PCNX1: variants seen among roughly 807,000 people sequenced by gnomAD.
The protein encoded by PCNX1 is pecanex 1, also known as pecanex-like protein 1.
Under a neutral mutation model 242.2 loss-of-function variants are expected in PCNX1, and 78 were observed. The observed-to-expected ratio is 0.32, with a 90% CI of 0.27 to 0.39. The LOEUF (loss-of-function observed/expected upper bound fraction) is 0.39, where lower values mean the gene tolerates loss of function less well. Among genes scored for constraint, PCNX1 ranks in the 10% least tolerant of loss-of-function variants. The probability of loss-of-function intolerance (pLI) is 1.00; values close to 1 mark genes in which losing one functional copy is unlikely to be tolerated. For missense variants in PCNX1, 2,581 were observed against 2,856.5 expected, an observed-to-expected ratio of 0.90 and a Z score of 2.20; for synonymous variants, 1,024 against 1,032.9, an observed-to-expected ratio of 0.99 and a Z score of 0.17.
chr14:70,918,461 A>T (rs1451158645), intron 1 of PCNX1, among the ~76,000 whole-genome samples: 3 of 152,198 alleles, frequency 2.0e-5, no homozygotes, highest in Non-Finnish European at 2.9e-5. Flanking sequence ...TGTAATTCTA[A>T]AATAGTAAAA....
chr14:71,041,699 C>G (rs2141046277), intron 19 of PCNX1, among the ~76,000 whole-genome samples: 1 of 151,970 alleles, frequency 6.6e-6, no homozygotes, highest in African/African-American at 2.4e-5. Context: ...TATTTCTGCT[C>G]TTACCTTTCT....
At chr14:71,054,675 G>C (rs374093757) in intron 24 of PCNX1, among the ~76,000 whole-genome samples, 1 of 152,074 alleles carries the variant, frequency 6.6e-6, no homozygotes, top group East Asian at 1.9e-4. Flanking sequence ...AGTTCAGCTC[G>C]GAGTTCAAGC....
At chr14:71,098,106 C>T (rs1426242767) in intron 30 of PCNX1, among the ~76,000 whole-genome samples, 2 of 152,098 alleles carry the variant, frequency 1.3e-5, no homozygotes, top group African/African-American at 2.4e-5. Flanking sequence ...AGGTGTACAG[C>T]TTTATTTCTG....
At chr14:71,036,759 C>T (rs1028362347) in intron 19 of PCNX1, among the ~76,000 whole-genome samples, 2 of 152,022 alleles carry the variant, frequency 1.3e-5, no homozygotes, top group Non-Finnish European at 2.9e-5. Flanking sequence ...AATATTTGTC[C>T]GTAGTGCTGA....
At chr14:70,981,769 T>TA (rs2058846502) in intron 6 of PCNX1, among the ~76,000 whole-genome samples, 1 of 152,228 alleles carries the variant, frequency 6.6e-6, no homozygotes. Flanking sequence ...TAGCCTGTAT[T>TA]ACTTTTAAGG....
At chr14:70,962,183 A>G in intron 2 of PCNX1, 43 bp from the exon 3 acceptor site, 1 of 1,150,008 alleles carries the variant, frequency 8.7e-7, no homozygotes, top group Non-Finnish European at 1.3e-6. Flanking sequence ...CATTGGAGTC[A>G]GAATAATGAC....
rs187993388 is a variant in PCNX1 at position 71,019,214 on chromosome 14, C to T, written c.3150+52C>T. Reference sequence around the variant, plus strand: ...ACGGAATTATATTTGTGTTAAAAGGCAGAGGATTTTGTAGCAATTACTGAA... The same window carrying T: ...ACGGAATTATATTTGTGTTAAAAGGTAGAGGATTTTGTAGCAATTACTGAA... On this transcript the variant is annotated intron_variant, in intron 12 of 35. Transcript: ENST00000304743. 8.4e-3 allele frequency: 12,027 copies of T among 1,429,904 alleles called. 83 individuals carry two copies. The highest frequency in any genetic ancestry group is 0.016 in the South Asian group (1,181 of 73,422). 88.6% of individuals were successfully genotyped at this position (1,429,904 alleles called of 1,614,324 possible).
At chr14:71,084,664 C>T (rs1357395292) in intron 28 of PCNX1, among the ~76,000 whole-genome samples, 1 of 152,234 alleles carries the variant, frequency 6.6e-6, no homozygotes, top group Non-Finnish European at 1.5e-5. Flanking sequence ...AAACCGCCTA[C>T]TGAAGCCTCA....
At chr14:70,942,745 G>A (rs1004459044) in intron 1 of PCNX1, 4 of 152,166 alleles carry the variant, frequency 2.6e-5, no homozygotes, top group African/African-American at 9.7e-5. Context: ...CAAGCCTTTT[G>A]GGTTTTTATA....
In PCNX1 at chr14:71,033,430, A is replaced by T; in HGVS notation, c.3560A>T (p.Asp1187Val). Residue 1187 changes from aspartate to valine, a missense_variant and splice_region_variant, in exon 17 of 36, where the codon GAT (aspartate) becomes GTT (valine). Asp to Val is a radical substitution (Grantham distance 152). Around this residue, in one of 9 missense-constraint regions of PCNX1, gnomAD observed 432 missense variants for 443.1 expected, o/e 0.97. Transcript: ENST00000304743. ...LYGLCYGALK[D>V]SWDGQHIPVL... ...TCTGTTAAATTCATTTTTCCGCAGGATTCTTGGGATGGCCAGCATATTCCA... is the reference window on the plus strand; with the variant it reads ...TCTGTTAAATTCATTTTTCCGCAGGTTTCTTGGGATGGCCAGCATATTCCA... The T allele has an allele frequency of 6.5e-7, 1 of 1,532,704 alleles. No homozygotes were observed. The highest frequency in any genetic ancestry group is 9.0e-7 in the Non-Finnish European group (1 of 1,108,220). 94.9% of individuals were successfully genotyped at this position (1,532,704 alleles called of 1,614,324 possible).
At chr14:70,983,226 G>A (rs965604271) in intron 6 of PCNX1, among the ~76,000 whole-genome samples, 1 of 152,168 alleles carries the variant, frequency 6.6e-6, no homozygotes, top group Admixed American at 6.5e-5. Flanking sequence ...TAATACTTAA[G>A]CTATATTTGT....
chr14:70,974,041 T>C (rs1333813010), intron 5 of PCNX1, among the ~76,000 whole-genome samples: 1 of 151,662 alleles, frequency 6.6e-6, no homozygotes, highest in Non-Finnish European at 1.5e-5. Flanking sequence ...TCTGGACATT[T>C]CATATAAACA....
intron 1 of PCNX1, among the ~76,000 whole-genome samples, chr14:70,912,622 CCA>C (rs1161180723): frequency 2.0e-5 from 3 of 151,748 alleles, no homozygotes; most frequent in African/African-American, 7.3e-5. Context: ...TGCTTATCCC[CCA>C]CCCCTTGCTT....
intron 2 of PCNX1, among the ~76,000 whole-genome samples, chr14:70,958,094 T>G (rs2058061023): frequency 6.6e-6 from 1 of 152,214 alleles, no homozygotes; most frequent in African/African-American, 2.4e-5. Context: ...CCTACATAGC[T>G]TATATGAGTT....
Position 71,114,830 on chromosome 14 carries a change from G to T in PCNX1, c.*4895G>T, listed in dbSNP as rs370833289. Reference sequence around the variant, plus strand: ...GTGGTGCCCCGGAATTCACAACAGAGTAGTGATAGAGCATAAGATGGCTGC... The same window carrying T: ...GTGGTGCCCCGGAATTCACAACAGATTAGTGATAGAGCATAAGATGGCTGC... On this transcript the variant is annotated 3_prime_UTR_variant, in exon 36 of 36. Coordinates refer to ENST00000304743, the MANE Select transcript of PCNX1 (RefSeq NM_014982.3). 3.3e-5 allele frequency: 5 copies of T among 151,200 alleles called. No homozygotes were observed. Among genetic ancestry groups the T allele is most frequent in the African/African-American group, 1.2e-4 (5 of 40,984 alleles). The allele number at this position is 151,200 out of a possible 1,614,324, so 9.4% of individuals were successfully genotyped here.
intron 1 of PCNX1, among the ~76,000 whole-genome samples, chr14:70,911,268 C>T (rs548174748): frequency 6.6e-6 from 1 of 152,230 alleles, no homozygotes; most frequent in South Asian, 2.1e-4. Flanking sequence ...GTACAGGCTG[C>T]CTTTTATTTA....
chr14:71,066,155 C>T (rs2061440903), intron 26 of PCNX1, among the ~76,000 whole-genome samples: 1 of 152,172 alleles, frequency 6.6e-6, no homozygotes, highest in Non-Finnish European at 1.5e-5. Flanking sequence ...TGAAGAAAGT[C>T]AGTGGCAGCT....
intron 28 of PCNX1, 76 bp from the exon 29 acceptor site, chr14:71,088,254 C>CTATATTATTTCGATTTATGATTTGT (rs372192730): frequency 2.7e-6 from 2 of 751,980 alleles, no homozygotes; most frequent in Middle Eastern, 3.0e-4. Context: ...TATCATTTCG[C>CTATATTATTTCGATTTATGATTTGT]TATATTATTT....
At chr14:71,033,719 G>A (rs777374677) in intron 17 of PCNX1, among the ~76,000 whole-genome samples, 181 bp downstream of exon 17, 2 of 151,838 alleles carry the variant, frequency 1.3e-5, no homozygotes, top group Non-Finnish European at 2.9e-5. Context: ...GAATATTAGT[G>A]TTTTCCTTCC....
Sources: allele counts gnomAD v4.1 joint callset (sites outside exome capture counted in the v4.1 genomes callset), GRCh38; gene constraint gnomAD v4.1.1; regional missense constraint gnomAD v4.1.1; transcripts MANE v1.5; gene names NCBI Gene and HGNC (gene_info 2026-07-23, HGNC 2026-07-21).